SOX6: variants seen among roughly 807,000 people sequenced by gnomAD.
SOX6 encodes transcription factor SOX-6.
A neutral mutation model predicts 97.8 loss-of-function variants in SOX6; 11 were observed. That is an observed-to-expected ratio of 0.11 (90% confidence interval 0.07 to 0.19). The LOEUF (loss-of-function observed/expected upper bound fraction) is 0.19. SOX6 is among the 10% of genes least tolerant of loss of function. The pLI, the probability that SOX6 is intolerant of heterozygous loss-of-function variation, is 1.00. For missense variants in SOX6, 810 were observed against 1,039.5 expected, an observed-to-expected ratio of 0.78 and a Z score of 3.04; for synonymous variants, 360 against 371.4, an observed-to-expected ratio of 0.97 and a Z score of 0.35.
At chr11:16,529,345 C>T (rs558647523) in intron 4 of SOX6, among the ~76,000 whole-genome samples, 3 of 152,112 alleles carry the variant, frequency 2.0e-5, no homozygotes, top group Admixed American at 1.3e-4. Flanking sequence ...CCAAAATCTC[C>T]GAGTGATACA....
Position 16,210,692 on chromosome 11 carries a change from A to G in SOX6, c.536-23737T>C, listed in dbSNP as rs188829291. Among the ~76,000 whole-genome samples, 208 of 152,330 alleles carry G rather than the reference A, an allele frequency of 1.4e-3. 1 individual carries two copies. Among genetic ancestry groups the G allele is most frequent in the African/African-American group, 4.7e-3 (194 of 41,590 alleles). ...CAACTACTCCAAACAGCCTTCTCTC[A>G]CACTCACAGGCTTCTTAGGCATCTC... is the stretch of plus-strand genomic sequence containing the variant. On this transcript the variant is annotated intron_variant, in intron 4 of 15. Coordinates refer to ENST00000683767, the MANE Select transcript of SOX6 (RefSeq NM_001367873.1).
chr11:16,481,216 T>C (rs1860340261), upstream of SOX6, among the ~76,000 whole-genome samples: 2 of 152,278 alleles, frequency 1.3e-5, no homozygotes, highest in South Asian at 4.1e-4. Context: ...TTCTTTTTCC[T>C]TAATAATCAT....
At chr11:16,377,320 TA>T (rs1444055460) in intron 1 of SOX6, among the ~76,000 whole-genome samples, 1 of 152,114 alleles carries the variant, frequency 6.6e-6, no homozygotes, top group African/African-American at 2.4e-5. Flanking sequence ...TCCTTGTTTA[TA>T]TCTCAGTTCC....
intron 3 of SOX6, among the ~76,000 whole-genome samples, chr11:16,669,552 A>G (rs1194104351): frequency 6.6e-6 from 1 of 152,210 alleles, no homozygotes; most frequent in Non-Finnish European, 1.5e-5. Context: ...GCCTCCAGCC[A>G]TACCCGGCTG....
chr11:16,472,502 G>A (rs1860155674), intron 1 of SOX6, among the ~76,000 whole-genome samples: 1 of 151,858 alleles, frequency 6.6e-6, no homozygotes, highest in African/African-American at 2.4e-5. Context: ...TAAATTAAAG[G>A]CTTATGTTTA....
intron 3 of SOX6, among the ~76,000 whole-genome samples, chr11:16,641,356 G>A (rs1426499044): frequency 2.6e-5 from 4 of 152,124 alleles, no homozygotes; most frequent in African/African-American, 4.8e-5. Flanking sequence ...GAATAAGTGC[G>A]GTGTGGTGCT....
At chr11:16,494,162 G>A (rs1860556685) in intron 4 of SOX6, among the ~76,000 whole-genome samples, 2 of 152,012 alleles carry the variant, frequency 1.3e-5, no homozygotes, top group Admixed American at 6.6e-5. Context: ...GATCACTAGA[G>A]GTCAGGGAGT....
At chr11:16,603,039 A>G (rs1275060390) in intron 4 of SOX6, among the ~76,000 whole-genome samples, 2 of 152,134 alleles carry the variant, frequency 1.3e-5, no homozygotes, top group African/African-American at 2.4e-5. Context: ...AAAGAAAAAA[A>G]AAAGAAAAGC....
intron 13 of SOX6, among the ~76,000 whole-genome samples, chr11:15,989,467 C>T (rs558418973): frequency 6.6e-6 from 1 of 152,228 alleles, no homozygotes; most frequent in Admixed American, 6.5e-5. Flanking sequence ...ACCACATTTA[C>T]TACAATAAAT....
At chr11:16,175,131 T>C (rs1397960631) in intron 6 of SOX6, among the ~76,000 whole-genome samples, 1 of 151,966 alleles carries the variant, frequency 6.6e-6, no homozygotes, top group Admixed American at 6.6e-5. Context: ...GATTATTCTA[T>C]ATTCACATCA....
At chr11:16,719,286 T>G (rs1458948926) in intron 2 of SOX6, among the ~76,000 whole-genome samples, 11 of 152,222 alleles carry the variant, frequency 7.2e-5, no homozygotes, top group Non-Finnish European at 1.6e-4. Context: ...TTTGCGTTGT[T>G]ATGGGCCAAA....
intron 1 of SOX6, among the ~76,000 whole-genome samples, chr11:16,427,987 A>T (rs1859185928): frequency 6.6e-6 from 1 of 152,062 alleles, no homozygotes; most frequent in African/African-American, 2.4e-5. Context: ...CCTCTCCAGC[A>T]CCTGTTGTTT....
chr11:16,692,967 A>G (rs1046182150), intron 3 of SOX6, among the ~76,000 whole-genome samples: 3 of 152,224 alleles, frequency 2.0e-5, no homozygotes, highest in Admixed American at 6.5e-5. Context: ...TGGCACTTTC[A>G]TATGATTCGT....
chr11:16,711,845 G>A (rs1193111321), intron 3 of SOX6, among the ~76,000 whole-genome samples: 1 of 152,058 alleles, frequency 6.6e-6, no homozygotes. Flanking sequence ...CACCACATGT[G>A]TAGTCTTTTA....
intron 3 of SOX6, among the ~76,000 whole-genome samples, chr11:16,705,442 T>A (rs979844619): frequency 6.6e-6 from 1 of 151,978 alleles, no homozygotes; most frequent in Non-Finnish European, 1.5e-5. Flanking sequence ...CTGGGCAATA[T>A]AGAGAGACCT....
intron 7 of SOX6, among the ~76,000 whole-genome samples, chr11:16,108,799 CTG>C (rs1190277720): frequency 1.3e-5 from 2 of 152,150 alleles, no homozygotes; most frequent in Admixed American, 1.3e-4. Flanking sequence ...CGCTGGGACT[CTG>C]AAATGCCCAG....
At chr11:16,248,212 C>T (rs536911254) in intron 3 of SOX6, among the ~76,000 whole-genome samples, 3 of 152,224 alleles carry the variant, frequency 2.0e-5, no homozygotes, top group Non-Finnish European at 2.9e-5. Flanking sequence ...AAAGCCCAAC[C>T]CCTGGCTGCT....
At chr11:16,468,485 T>C (rs1193575948) in intron 1 of SOX6, among the ~76,000 whole-genome samples, 4 of 152,142 alleles carry the variant, frequency 2.6e-5, no homozygotes, top group Non-Finnish European at 5.9e-5. Context: ...TTTTTCAGTA[T>C]CAATAAATCA....
chr11:16,159,966 C>G (rs935683504), intron 6 of SOX6, among the ~76,000 whole-genome samples: 1 of 151,986 alleles, frequency 6.6e-6, no homozygotes, highest in Admixed American at 6.6e-5. Context: ...GGGTGGGAAA[C>G]TCGGAAAGGG....
Sources: gnomAD v4.1 joint callset for allele counts (sites outside exome capture counted in the v4.1 genomes callset) on GRCh38, gnomAD v4.1.1 for gene constraint, MANE v1.5 for transcripts, NCBI Gene and HGNC (gene_info 2026-07-23, HGNC 2026-07-21) for gene names.